The following RPF2 variants were observed in gnomAD, a reference collection of about 807,000 sequenced individuals.
RPF2 encodes the protein brix domain containing 1.
Under a neutral mutation model 38.9 loss-of-function variants are expected in RPF2, and 21 were observed. That is an observed-to-expected ratio of 0.54 (90% CI 0.38 to 0.78). The LOEUF is 0.78. Among genes scored for constraint, RPF2 ranks in the 30% least tolerant of loss-of-function variants. The pLI, the probability that RPF2 is intolerant of heterozygous loss-of-function variation, is 0.00. For missense variants in RPF2, 314 were observed against 358.1 expected (o/e 0.88, Z 0.99); for synonymous variants, 121 against 126.2 (o/e 0.96, Z 0.28).
At chr6:111,007,720 G>A (rs1014065767) in intron 6 of RPF2, among the ~76,000 whole-genome samples, 3 of 151,984 alleles carry the variant, frequency 2.0e-5, no homozygotes, top group Admixed American at 6.6e-5. Context: ...TGAGGCAGGC[G>A]GATCATTTGA....
chr6:111,016,593 G>C (rs1006798210), intron 8 of RPF2, among the ~76,000 whole-genome samples: 6 of 141,328 alleles, frequency 4.2e-5, no homozygotes, highest in African/African-American at 1.4e-4. Context: ...TGAGGGCGCT[G>C]AAAAAACAAA....
At chr6:111,009,976 A>G (rs543401214) in intron 7 of RPF2, among the ~76,000 whole-genome samples, 44 of 152,216 alleles carry the variant, frequency 2.9e-4, no homozygotes, top group African/African-American at 9.1e-4. Context: ...CCCAGCCTCC[A>G]TGATTTTTAA....
intron 8 of RPF2, among the ~76,000 whole-genome samples, chr6:111,021,020 T>C (rs1772222759): frequency 6.6e-6 from 1 of 151,746 alleles, no homozygotes; most frequent in Non-Finnish European, 1.5e-5. Context: ...ATACAAAAAA[T>C]TAGCTGGACA....
In RPF2 at chr6:110,999,105, G is replaced by A. The variant is rs144611543; in HGVS notation, c.317-606G>A. On this transcript the variant is annotated intron_variant, in intron 5 of 9. Transcript: ENST00000441448. ...AATGCCTTTTCCTTCTGTCTCTGTC[G>A]GAATCAAATTCTGGTTTAAATGGGA... Among the ~76,000 whole-genome samples, 387 of 152,062 alleles carry A rather than the reference G, an allele frequency of 2.5e-3. 8 individuals carry two copies. The highest frequency in any genetic ancestry group is 0.024 in the South Asian group (113 of 4,806).
At position 111,025,726 on chromosome 6, in the gene RPF2, A is replaced by T; in HGVS notation, c.*144A>T. 1.7e-6 allele frequency: 1 copy of T among 606,042 alleles called. No individual in the cohort carries two copies. 37.5% of individuals were successfully genotyped at this position (606,042 alleles called of 1,614,324 possible). ...ACGATATATTATTATGAACAGTAAT[A>T]TACTAGTATTAAGTGTAAAGTAAGC... On this transcript the variant is annotated 3_prime_UTR_variant, in exon 10 of 10. Transcript: ENST00000441448.
chr6:110,982,451 C>T, intron 1 of RPF2: 2 of 381,134 alleles, frequency 5.2e-6, no homozygotes, highest in Non-Finnish European at 9.6e-6. Flanking sequence ...CCTCGGAATC[C>T]GACAGATCTG....
At chr6:111,012,606 G>A (rs1414920583) in intron 7 of RPF2, among the ~76,000 whole-genome samples, 1 of 152,168 alleles carries the variant, frequency 6.6e-6, no homozygotes, top group African/African-American at 2.4e-5. Context: ...CTAAGGTCAT[G>A]CATTTACCAA....
intron 6 of RPF2, among the ~76,000 whole-genome samples, chr6:111,003,824 C>T (rs959371814): frequency 3.3e-5 from 5 of 152,018 alleles, no homozygotes; most frequent in African/African-American, 4.8e-5. Context: ...CCTCATGTCT[C>T]CCCCACCGAC....
intron 2 of RPF2, among the ~76,000 whole-genome samples, chr6:110,988,121 T>G (rs2114292098): frequency 6.6e-6 from 1 of 152,284 alleles, no homozygotes; most frequent in Non-Finnish European, 1.5e-5. Flanking sequence ...GAGGATCACC[T>G]GAGCCCTGGA....
At chr6:111,016,212 T>C (rs2114343838) in intron 8 of RPF2, among the ~76,000 whole-genome samples, 1 of 152,182 alleles carries the variant, frequency 6.6e-6, no homozygotes, top group Non-Finnish European at 1.5e-5. Context: ...CAATTGAGTC[T>C]AAAAGGAATA....
Position 110,999,753 on chromosome 6 carries a change from G to A in RPF2, c.359G>A (p.Gly120Asp). The A allele has an allele frequency of 1.9e-6, 3 of 1,600,070 alleles. No homozygotes were observed. Among genetic ancestry groups the A allele is most frequent in the Non-Finnish European group, 2.6e-6 (3 of 1,167,502 alleles). Residue 120 changes from glycine (G) to aspartate (D), a missense_variant, in exon 6 of 10, where the codon GGT becomes GAT. Coordinates refer to ENST00000441448, the MANE Select transcript of RPF2 (RefSeq NM_032194.3). ...CATGTGCTGGATATGATTGAATTAG[G>A]TATTGAGAATTTTGTCTCTCTAAAA... ...DYHVLDMIEL[G>D]IENFVSLKDI...
chr6:110,988,687 C>G (rs1771566546), intron 2 of RPF2, among the ~76,000 whole-genome samples: 2 of 152,148 alleles, frequency 1.3e-5, no homozygotes, highest in Non-Finnish European at 2.9e-5. Context: ...TCTGCCTTGT[C>G]CTCCCAAAGT....
At chr6:110,993,583 T>C (rs1771657777) in intron 4 of RPF2, among the ~76,000 whole-genome samples, 1 of 152,200 alleles carries the variant, frequency 6.6e-6, no homozygotes, top group African/African-American at 2.4e-5. Flanking sequence ...GATACCATAA[T>C]GCTTTTAGTT....
intron 1 of RPF2, among the ~76,000 whole-genome samples, chr6:110,983,846 G>A (rs1030900538): frequency 6.6e-6 from 1 of 151,970 alleles, no homozygotes; most frequent in Non-Finnish European, 1.5e-5. Flanking sequence ...TGGCTAACAC[G>A]GTGAAACCTC....
chr6:111,024,536 A>G (rs1583278033), intron 9 of RPF2, among the ~76,000 whole-genome samples: 2 of 151,844 alleles, frequency 1.3e-5, no homozygotes, highest in East Asian at 3.9e-4. Context: ...ATACAGTGAA[A>G]CCCCGTCTCT....
chr6:110,997,132 A>G, intron 4 of RPF2, 51 bp from the exon 5 acceptor site: 1 of 1,179,798 alleles, frequency 8.5e-7, no homozygotes, highest in Non-Finnish European at 1.3e-6. Flanking sequence ...TAAGATTCTT[A>G]AAGTTCTTAA....
At chr6:110,994,216 G>A (rs1428708970) in intron 4 of RPF2, among the ~76,000 whole-genome samples, 3 of 151,286 alleles carry the variant, frequency 2.0e-5, no homozygotes, top group South Asian at 2.1e-4. Flanking sequence ...TGGAGGTTGC[G>A]GTGAGCCAAG....
intron 4 of RPF2, among the ~76,000 whole-genome samples, chr6:110,995,582 ATTAAG>A (rs903240971): frequency 1.7e-4 from 26 of 152,180 alleles, no homozygotes; most frequent in African/African-American, 6.3e-4. Flanking sequence ...TTTCTTTAAT[ATTAAG>A]TTAAGAGGCT....
chr6:111,004,595 G>C (rs1384920815), intron 6 of RPF2, among the ~76,000 whole-genome samples: 2 of 151,618 alleles, frequency 1.3e-5, no homozygotes, highest in African/African-American at 2.4e-5. Context: ...GCCCAGACTG[G>C]AGTGCAGTGG....
Sources: allele counts gnomAD v4.1 joint callset (sites outside exome capture counted in the v4.1 genomes callset), GRCh38; gene constraint gnomAD v4.1.1; transcripts MANE v1.5; gene names NCBI Gene and HGNC (gene_info 2026-07-23, HGNC 2026-07-21).